The following GLDC variants were observed in gnomAD, a reference collection of about 807,000 sequenced individuals.
The protein encoded by GLDC is glycine dehydrogenase (decarboxylating), mitochondrial.
A neutral mutation model predicts 121.3 loss-of-function variants in GLDC; 104 were observed. The ratio of observed to expected loss-of-function variants is 0.86; its 90% confidence interval spans 0.73 to 1.01. The LOEUF (loss-of-function observed/expected upper bound fraction) is 1.01, where lower values mean the gene tolerates loss of function less well. GLDC is among the 50% of genes least tolerant of loss of function. GLDC has a pLI of 0.00. For synonymous variants in GLDC, 546 were observed against 480.6 expected (o/e 1.14, Z -1.78); for missense variants, 1,429 against 1,306.6 (o/e 1.09, Z -1.44).
At chr9:6,586,788 C>G (rs968196) in intron 15 of GLDC, among the ~76,000 whole-genome samples, 78,722 of 151,980 alleles carry the variant, frequency 0.52, 20,815 homozygotes, top group Middle Eastern at 0.57. Context: ...TTAGGAGGTT[C>G]GGCCATTAGA....
intron 15 of GLDC, among the ~76,000 whole-genome samples, chr9:6,583,366 T>C (rs1364490728): frequency 6.6e-6 from 1 of 152,244 alleles, no homozygotes; most frequent in South Asian, 2.1e-4. Flanking sequence ...ATATATGCAA[T>C]GAAATATTCC....
chr9:6,603,152 T>C (rs542927995), intron 7 of GLDC, among the ~76,000 whole-genome samples: 379 of 151,602 alleles, frequency 2.5e-3, no homozygotes, highest in Middle Eastern at 6.8e-3. Context: ...CACTTGAACC[T>C]GGGAGGCAGA....
At chr9:6,618,755 T>C (rs1244569217) in intron 3 of GLDC, among the ~76,000 whole-genome samples, 1 of 151,802 alleles carries the variant, frequency 6.6e-6, no homozygotes, top group East Asian at 1.9e-4. Context: ...GACACAGACA[T>C]GGATGGACAG....
At chr9:6,536,032 A>T in intron 23 of GLDC, 32 bp downstream of exon 23, 1 of 1,587,994 alleles carries the variant, frequency 6.3e-7, no homozygotes, top group Non-Finnish European at 8.6e-7. Context: ...AGTTTAAGGA[A>T]CATTTCAAGC....
intron 6 of GLDC, 38 bp from the exon 7 acceptor site, chr9:6,604,822 C>T (rs1818697343): frequency 6.5e-7 from 1 of 1,540,586 alleles, no homozygotes; most frequent in Admixed American, 1.7e-5. Flanking sequence ...AAGGTTGCTA[C>T]CTTTCCCTGA....
intron 15 of GLDC, among the ~76,000 whole-genome samples, chr9:6,577,068 G>T (rs930684161): frequency 6.6e-6 from 1 of 152,204 alleles, no homozygotes; most frequent in African/African-American, 2.4e-5. Flanking sequence ...AATGACTGCA[G>T]AAAGAACAAA....
intron 2 of GLDC, among the ~76,000 whole-genome samples, chr9:6,621,461 C>T (rs1331527380): frequency 6.6e-6 from 1 of 152,196 alleles, no homozygotes; most frequent in East Asian, 1.9e-4. Context: ...CAATCTCACA[C>T]TTTAACTCAC....
At chr9:6,601,354 G>C (rs1818606774) in intron 8 of GLDC, among the ~76,000 whole-genome samples, 1 of 151,964 alleles carries the variant, frequency 6.6e-6, no homozygotes, top group Non-Finnish European at 1.5e-5. Flanking sequence ...AACAAACCTG[G>C]CCCAACGCCA....
At chr9:6,593,268 G>GATATATATATAT (rs34438524) in intron 9 of GLDC, among the ~76,000 whole-genome samples, 5 of 143,944 alleles carry the variant, frequency 3.5e-5, no homozygotes, top group African/African-American at 1.0e-4. Context: ...GGTAGTATCA[G>GATATATATATAT]ATATATATAT....
chr9:6,620,455 C>A, intron 2 of GLDC, 136 bp from the exon 3 acceptor site: 1 of 767,262 alleles, frequency 1.3e-6, no homozygotes, highest in Non-Finnish European at 2.3e-6. Flanking sequence ...ATCCATCCAA[C>A]CAACACTAAG....
chr9:6,602,194 C>A lies in GLDC; in HGVS notation c.1070G>T (p.Gly357Val). Residue 357 changes from glycine to valine, a missense_variant, in exon 8 of 25, where the codon GGG becomes GTG. By Grantham distance (109) the Gly-to-Val change is moderately radical. Transcript: ENST00000321612. ...RMVGVTRDAT[G>V]KEVYRLALQT... Reference sequence around the variant, plus strand: ...AAGAGCAAGACGATACACTTCTTTCCCAGTGGCATCTCTACACCAAGAATA... The same window carrying A: ...AAGAGCAAGACGATACACTTCTTTCACAGTGGCATCTCTACACCAAGAATA... The A allele has an allele frequency of 6.2e-7, 1 of 1,607,476 alleles. No individual in the cohort carries two copies.
intron 21 of GLDC, chr9:6,542,276 T>G (rs1817283001): frequency 6.6e-6 from 1 of 152,208 alleles, no homozygotes; most frequent in Non-Finnish European, 1.5e-5. Flanking sequence ...GAGCGCTCCG[T>G]CACTCAGGCT....
At chr9:6,623,789 T>G (rs1819172493) in intron 2 of GLDC, among the ~76,000 whole-genome samples, 1 of 152,176 alleles carries the variant, frequency 6.6e-6, no homozygotes, top group Admixed American at 6.5e-5. Flanking sequence ...AACCCACATC[T>G]GAGAAGATAG....
At chr9:6,633,122 C>T (rs967173139) in intron 2 of GLDC, among the ~76,000 whole-genome samples, 1 of 152,150 alleles carries the variant, frequency 6.6e-6, no homozygotes, top group Non-Finnish European at 1.5e-5. Flanking sequence ...CAACTCCTCC[C>T]ACCTCGGAGG....
chr9:6,630,478 G>C (rs1819353388), intron 2 of GLDC, among the ~76,000 whole-genome samples: 1 of 152,052 alleles, frequency 6.6e-6, no homozygotes, highest in Non-Finnish European at 1.5e-5. Flanking sequence ...CCCTCCATGT[G>C]CTTGGCAAGA....
At chr9:6,570,167 C>G (rs1047366741) in intron 15 of GLDC, among the ~76,000 whole-genome samples, 1 of 152,132 alleles carries the variant, frequency 6.6e-6, no homozygotes, top group Non-Finnish European at 1.5e-5. Context: ...ATGGTGAACA[C>G]CAGCAGTCAC....
chr9:6,594,345 A>G (rs1310665497), intron 9 of GLDC, among the ~76,000 whole-genome samples: 1 of 152,102 alleles, frequency 6.6e-6, no homozygotes, highest in Non-Finnish European at 1.5e-5. Context: ...GGAAAGTAAG[A>G]GTTCTACATA....
Position 6,587,238 on chromosome 9 carries a change from G to C in GLDC, c.1753C>G (p.Leu585Val), listed in dbSNP as rs749739535. 9 of 1,613,918 alleles carry C rather than the reference G, an allele frequency of 5.6e-6. No homozygotes were observed. Among genetic ancestry groups the C allele is most frequent in the Non-Finnish European group, 7.6e-6 (9 of 1,179,934 alleles). The change falls in exon 15 of 25, where the codon CTG becomes GTG. Residue 585 changes from leucine to valine, a missense_variant. Transcript: ENST00000321612. ...TGCTGATATCCTTGAGCTTGATCCA[G>C]AGGCACAAAGGGGTGGATGTTTGCA... Reference protein sequence around the residue: ...EFANIHPFVPLDQAQGYQQLF... With the variant: ...EFANIHPFVPVDQAQGYQQLF...
intron 15 of GLDC, among the ~76,000 whole-genome samples, chr9:6,579,044 A>G (rs1210085204): frequency 6.6e-6 from 1 of 152,092 alleles, no homozygotes; most frequent in Non-Finnish European, 1.5e-5. Context: ...CTATGTTTTT[A>G]AATTTGTTGA....
Sources: gnomAD v4.1 joint callset for allele counts (sites outside exome capture counted in the v4.1 genomes callset) on GRCh38, gnomAD v4.1.1 for gene constraint, MANE v1.5 for transcripts, NCBI Gene and HGNC (gene_info 2026-07-23, HGNC 2026-07-21) for gene names.